Variants in ELAPOR2 observed in about 807,000 individuals in gnomAD.
The protein encoded by ELAPOR2 is endosome-lysosome associated apoptosis and autophagy regulator family member 2.
A neutral mutation model predicts 120.7 loss-of-function variants in ELAPOR2; 89 were observed. The observed-to-expected ratio is 0.74, with a 90% CI of 0.62 to 0.88. The LOEUF (loss-of-function observed/expected upper bound fraction) is 0.88. ELAPOR2 is among the 40% of genes least tolerant of loss of function. ELAPOR2 has a pLI of 0.00. For missense variants in ELAPOR2, 1,134 were observed against 1,251.6 expected (o/e 0.91, Z 1.42); for synonymous variants, 444 against 444.9 (o/e 1.00, Z 0.03).
At position 86,925,654 on chromosome 7, in the gene ELAPOR2, A is replaced by G; in HGVS notation, c.1273T>C (p.Cys425Arg). 3.7e-6 allele frequency: 6 copies of G among 1,611,456 alleles called. No homozygotes were observed. The highest frequency in any genetic ancestry group is 5.1e-6 in the Non-Finnish European group (6 of 1,178,226). Reference sequence around the variant, plus strand: ...TCCGTTCCTGCTGGACATGGTCTACATTCTACAGGAGACAAGTAGGGTCAA... The same window carrying G: ...TCCGTTCCTGCTGGACATGGTCTACGTTCTACAGGAGACAAGTAGGGTCAA... Reference protein sequence around the residue: ...PGTFSDGTKECRPCPAGTEPA... With the variant: ...PGTFSDGTKERRPCPAGTEPA... The change falls in exon 10 of 22, where the codon TGT (cysteine) becomes CGT (arginine). Residue 425 changes from cysteine to arginine, a missense_variant and splice_region_variant. Around this residue, in one of 3 missense-constraint regions of ELAPOR2, gnomAD observed 831 missense variants for 867.6 expected, o/e 0.96. Transcript: ENST00000450689.
At chr7:86,924,638 TG>T (rs1373291608) in intron 10 of ELAPOR2, among the ~76,000 whole-genome samples, 1 of 152,022 alleles carries the variant, frequency 6.6e-6, no homozygotes, top group African/African-American at 2.4e-5. Context: ...ATATATATAC[TG>T]AGGCTTTGTC....
chr7:86,937,959 G>A (rs1790636012), intron 8 of ELAPOR2, among the ~76,000 whole-genome samples, 167 bp downstream of exon 8: 1 of 152,038 alleles, frequency 6.6e-6, no homozygotes, highest in Non-Finnish European at 1.5e-5. Flanking sequence ...TGGTATATGT[G>A]AAATTCAAAG....
intron 1 of ELAPOR2, among the ~76,000 whole-genome samples, chr7:87,000,379 C>A (rs1793278088): frequency 7.0e-6 from 1 of 143,630 alleles, no homozygotes; most frequent in Admixed American, 6.9e-5. Flanking sequence ...GTTCCCAAAC[C>A]CCTTTCCCAG....
intron 1 of ELAPOR2, among the ~76,000 whole-genome samples, chr7:86,966,913 T>C (rs926225491): frequency 6.6e-6 from 1 of 152,154 alleles, no homozygotes; most frequent in Non-Finnish European, 1.5e-5. Flanking sequence ...CCTCTTGTGA[T>C]AGCATTTAGG....
intron 13 of ELAPOR2, 42 bp from the exon 14 acceptor site, chr7:86,913,246 T>C: frequency 6.3e-7 from 1 of 1,592,550 alleles, no homozygotes; most frequent in Non-Finnish European, 8.6e-7. Context: ...GCCTTGGGGC[T>C]TAGTTGTACA....
At chr7:86,931,595 A>G (rs369212866) in intron 8 of ELAPOR2, among the ~76,000 whole-genome samples, 2 of 151,860 alleles carry the variant, frequency 1.3e-5, no homozygotes, top group African/African-American at 4.8e-5. Flanking sequence ...ATAATTACTC[A>G]TTCATTTACT....
intron 10 of ELAPOR2, among the ~76,000 whole-genome samples, chr7:86,924,077 G>A (rs184028064): frequency 1.3e-5 from 2 of 152,104 alleles, no homozygotes; most frequent in East Asian, 3.9e-4. Flanking sequence ...GTTCTTGTGA[G>A]TGCTGCTCCT....
chr7:86,882,459 A>G (rs1799457922), intron 21 of ELAPOR2, among the ~76,000 whole-genome samples: 1 of 152,144 alleles, frequency 6.6e-6, no homozygotes, highest in African/African-American at 2.4e-5. Flanking sequence ...AACACTGAAA[A>G]TCCTTTATAA....
At chr7:86,888,927 T>G (rs1799819399) in intron 21 of ELAPOR2, among the ~76,000 whole-genome samples, 1 of 152,090 alleles carries the variant, frequency 6.6e-6, no homozygotes, top group Non-Finnish European at 1.5e-5. Context: ...CATGTGTACC[T>G]CCAGGACTGC....
At chr7:86,990,261 G>C (rs1410709383) in intron 1 of ELAPOR2, among the ~76,000 whole-genome samples, 1 of 152,036 alleles carries the variant, frequency 6.6e-6, no homozygotes, top group African/African-American at 2.4e-5. Context: ...TCTTAGCCAG[G>C]ATGGTCTCGA....
chr7:87,045,579 A>G, intron 1 of ELAPOR2, among the ~76,000 whole-genome samples: 1 of 125,506 alleles, frequency 8.0e-6, no homozygotes, highest in Non-Finnish European at 1.6e-5. Flanking sequence ...GGACACAGGA[A>G]GGGGAATATC....
intron 8 of ELAPOR2, among the ~76,000 whole-genome samples, chr7:86,928,450 C>A (rs1389390933): frequency 6.6e-6 from 1 of 151,914 alleles, no homozygotes; most frequent in East Asian, 1.9e-4. Flanking sequence ...AAATGGATTG[C>A]GTTATGTGTG....
chr7:86,949,014 G>C (rs1046785433), intron 2 of ELAPOR2, among the ~76,000 whole-genome samples: 4 of 152,078 alleles, frequency 2.6e-5, no homozygotes, highest in African/African-American at 9.7e-5. Context: ...ATAAAAATCA[G>C]CTGATTTTTA....
intron 2 of ELAPOR2, among the ~76,000 whole-genome samples, chr7:86,962,840 A>G (rs1314974264): frequency 6.6e-6 from 1 of 152,230 alleles, no homozygotes; most frequent in African/African-American, 2.4e-5. Context: ...CTGAAGGAAT[A>G]TCCAGTTACT....
At chr7:86,989,248 G>C (rs1332383275) in intron 1 of ELAPOR2, among the ~76,000 whole-genome samples, 1 of 152,066 alleles carries the variant, frequency 6.6e-6, no homozygotes, top group Non-Finnish European at 1.5e-5. Context: ...TATGTGCTAG[G>C]CTCCAAATCT....
chr7:86,964,882 T>C (rs541205794), intron 2 of ELAPOR2, 22 bp downstream of exon 2: 172 of 1,550,968 alleles, frequency 1.1e-4, no homozygotes, highest in Admixed American at 1.6e-4. Context: ...AGAAAACAAA[T>C]GGTCAAAATG....
chr7:86,888,158 C>A (rs563058613), intron 21 of ELAPOR2, among the ~76,000 whole-genome samples: 17 of 152,152 alleles, frequency 1.1e-4, no homozygotes, highest in South Asian at 4.2e-4. Flanking sequence ...TGCACTGCCC[C>A]CCAAGTCCCC....
At chr7:86,911,857 T>C (rs1789326764) in intron 15 of ELAPOR2, 2 of 593,982 alleles carry the variant, frequency 3.4e-6, no homozygotes, top group African/African-American at 3.7e-5. Context: ...ACTGACTGCA[T>C]AAGTGATTTG....
intron 1 of ELAPOR2, among the ~76,000 whole-genome samples, chr7:87,011,260 A>AG (rs796442399): frequency 7.9e-6 from 1 of 126,362 alleles, no homozygotes; most frequent in African/African-American, 2.9e-5. Context: ...AAAAAAAAAA[A>AG]AAAAAAAAGA....
Sources: gnomAD v4.1 joint callset for allele counts (sites outside exome capture counted in the v4.1 genomes callset) on GRCh38, gnomAD v4.1.1 for gene constraint, gnomAD v4.1.1 regional missense constraint, MANE v1.5 for transcripts, NCBI Gene and HGNC (gene_info 2026-07-23, HGNC 2026-07-21) for gene names.